The following MAMDC4 variants were observed in gnomAD, a reference collection of about 807,000 sequenced individuals.
The protein encoded by MAMDC4 is MAM domain containing 4.
In MAMDC4, 168 loss-of-function variants were observed where a neutral mutation model predicts 153.3. The observed-to-expected ratio is 1.10, with a 90% CI of 0.97 to 1.25. The LOEUF (loss-of-function observed/expected upper bound fraction) is 1.25. Among genes scored for constraint, MAMDC4 ranks in the 50% most tolerant of loss-of-function variants. The pLI, the probability that MAMDC4 is intolerant of heterozygous loss-of-function variation, is 0.00. For missense variants in MAMDC4, 1,701 were observed against 1,542.8 expected (o/e 1.10, Z -1.72); for synonymous variants, 744 against 651.5 (o/e 1.14, Z -2.16).
At chr9:136,856,253 C>T (rs1257689951) in intron 14 of MAMDC4, 104 bp downstream of exon 14, 2 of 1,572,174 alleles carry the variant, frequency 1.3e-6, no homozygotes, top group Non-Finnish European at 1.7e-6. Flanking sequence ...GCCCCGCTGG[C>T]CAGGCTTCCT....
chr9:136,860,695 GGACAGGCTGC>G lies in MAMDC4; in HGVS notation c.*93_*102del. ...CCGGACACCTGCCCCGCCCAGGCTG[GGACAGGCTGC>G]AGGTCTCAGGATATGCTGAGGCCTG... On this transcript the variant is annotated 3_prime_UTR_variant, in exon 27 of 27. Coordinates refer to ENST00000317446, the MANE Select transcript of MAMDC4 (RefSeq NM_206920.3). 1 of 1,435,702 alleles carries G rather than the reference GGACAGGCTGC, an allele frequency of 7.0e-7. No individual in the cohort carries two copies. The allele number at this position is 1,435,702 out of a possible 1,614,324, so 88.9% of individuals were successfully genotyped here. A position where few individuals can be genotyped will look rare whatever the true frequency, so the allele number is the denominator to read the frequency against.
Position 136,854,318 on chromosome 9 carries a change from G to A in MAMDC4, c.778G>A (p.Glu260Lys), listed in dbSNP as rs1848971671. 1.3e-6 allele frequency: 2 copies of A among 1,584,688 alleles called. No homozygotes were observed. The highest frequency in any genetic ancestry group is 1.2e-5 in the South Asian group (1 of 86,786). ...GEDNCGDLSD[E>K]NPLTCGRHIA... ...AGACAACTGCGGGGACCTGTCTGAT[G>A]AGAACCCACTCACCTGTGGTGAGGC... The change falls in exon 7 of 27, where the codon GAG becomes AAG. Residue 260 changes from glutamate (E) to lysine (K), a missense_variant. Coordinates refer to ENST00000317446, the MANE Select transcript of MAMDC4 (RefSeq NM_206920.3).
At chr9:136,854,102 A>AC (rs755198661) in intron 6 of MAMDC4, 26 bp downstream of exon 6, 50 of 1,610,430 alleles carry the variant, frequency 3.1e-5, no homozygotes, top group Admixed American at 2.2e-4. Context: ...TTCCTGTTCC[A>AC]CCCCCGGGAG....
At chr9:136,853,704 G>A (rs1356631786) in intron 4 of MAMDC4, 34 bp downstream of exon 4, 5 of 678,198 alleles carry the variant, frequency 7.4e-6, no homozygotes, top group Non-Finnish European at 1.2e-5. Context: ...CGTGGGGGGT[G>A]CCCAAGGGGA....
chr9:136,854,115 C>A (rs1848967719), intron 6 of MAMDC4, 39 bp downstream of exon 6: 1 of 1,608,208 alleles, frequency 6.2e-7, no homozygotes, highest in Non-Finnish European at 8.5e-7. Flanking sequence ...CCCGGGAGGG[C>A]CCCCACCTGC....
rs761290277 is a variant in MAMDC4 at position 136,858,904 on chromosome 9, CCAGGAG to C, written c.2956+55_2956+60del. The C allele has an allele frequency of 5.1e-6, 8 of 1,574,164 alleles. No individual in the cohort carries two copies. The Admixed American group carries it at 7.5e-5, about 15-fold the overall frequency. On this transcript the variant is annotated intron_variant, in intron 23 of 26. Transcript: ENST00000317446. ...CCTGGGCAACGGGGGCAGCAGGGGT[CCAGGAG>C]CAGAGGTGGGGAGGTGGCCTCCCCA...
rs1439415861 is a variant in MAMDC4 at position 136,857,695 on chromosome 9, T to C, written c.2363T>C (p.Leu788Pro). The change falls in exon 19 of 27, where the codon CTA becomes CCA. Residue 788 changes from leucine to proline, a missense_variant. By Grantham distance (98) the Leu-to-Pro change is moderately conservative. Transcript: ENST00000317446. Reference protein sequence around the residue: ...YMVVDTSPDALPRGQTASLTS... With the variant: ...YMVVDTSPDAPPRGQTASLTS... Reference sequence around the variant, plus strand: ...GTGGTGGACACAAGCCCAGACGCACTACCCCGGGGCCAGACGGCCTCCCTG... The same window carrying C: ...GTGGTGGACACAAGCCCAGACGCACCACCCCGGGGCCAGACGGCCTCCCTG... 6.2e-7 allele frequency: 1 copy of C among 1,612,520 alleles called. No individual in the cohort carries two copies. The highest frequency in any genetic ancestry group is 8.5e-7 in the Non-Finnish European group (1 of 1,179,800).
Position 136,854,353 on chromosome 9 carries a change from G to C in MAMDC4, c.796+17G>C. The C allele has an allele frequency of 6.5e-7, 1 of 1,529,856 alleles. No individual in the cohort carries two copies. Among genetic ancestry groups the C allele is most frequent in the Non-Finnish European group, 8.8e-7 (1 of 1,138,188 alleles). 94.8% of individuals were successfully genotyped at this position (1,529,856 alleles called of 1,614,324 possible). A position where few individuals can be genotyped will look rare whatever the true frequency, so the allele number is the denominator to read the frequency against. On this transcript the variant is annotated intron_variant, in intron 7 of 26. Transcript: ENST00000317446. ...TCACCTGTGGTGAGGCCGGAGTGGG[G>C]GCCCAGAGTGAGGCTGGGAGACTGG... is the stretch of plus-strand genomic sequence containing the variant.
rs1046195492 is a variant in MAMDC4, at chr9:136,854,778, C to T, written c.951C>T (p.Ser317=). Residue 317 remains serine (S), a synonymous_variant, in exon 9 of 27, where the codon TCC becomes TCT. Transcript: ENST00000317446. ...TTCCCGCAGGCTCCTTCCTGGTCTC[C>T]GTGGCCGAGCCTGGCACCCCTGCTA... The part of the protein sequence containing the change: ...RNSAQGSFLV[S]VAEPGTPAIL... 7 of 1,612,650 alleles carry T rather than the reference C, an allele frequency of 4.3e-6. No individual in the cohort carries two copies. The East Asian group carries it at 6.7e-5, about 15-fold the overall frequency.
In MAMDC4 at chr9:136,857,282, C is replaced by G. The variant is rs1174357991; in HGVS notation, c.2090C>G (p.Ser697Cys). The change falls in exon 17 of 27, where the codon TCC (serine) becomes TGC (cysteine). Residue 697 changes from serine to cysteine, a missense_variant. Coordinates refer to ENST00000317446, the MANE Select transcript of MAMDC4 (RefSeq NM_206920.3). ...GCCACCCTTTCCCACCAGCCTGGCT[C>G]CCATGCCCAGTACCAGGTGAGGCCT... ...AWATLSHQPG[S>C]HAQYQLLFEG... 2 of 1,602,924 alleles carry G rather than the reference C, an allele frequency of 1.2e-6. No homozygotes were observed. The highest frequency in any genetic ancestry group is 1.7e-6 in the Non-Finnish European group (2 of 1,175,582).
At position 136,854,583 on chromosome 9, in the gene MAMDC4, A is replaced by T. The variant is rs1441351877; in HGVS notation, c.841A>T (p.Asn281Tyr). 4 of 1,607,370 alleles carry T rather than the reference A, an allele frequency of 2.5e-6. No individual in the cohort carries two copies. In the African/African-American group the frequency reaches 5.4e-5, roughly 22 times the overall value. ...TDFETGLGPW[N>Y]RSEGWSRNHR... ...CTTTGAGACAGGCCTGGGCCCATGG[A>T]ACCGCTCGGAAGGCTGGTCCCGGAA... is the stretch of plus-strand genomic sequence containing the variant. Residue 281 changes from asparagine (N) to tyrosine (Y), a missense_variant, in exon 8 of 27, where the codon AAC (asparagine) becomes TAC (tyrosine). Transcript: ENST00000317446.
chr9:136,860,186 GC>G, intron 26 of MAMDC4, 122 bp downstream of exon 26: 1 of 1,138,608 alleles, frequency 8.8e-7, no homozygotes, highest in Non-Finnish European at 1.2e-6. Context: ...GCCCATCCTT[GC>G]CCTCCCTGCC....
At position 136,857,001 on chromosome 9, in the gene MAMDC4, G is replaced by A. The variant is rs1415718703; in HGVS notation, c.1932G>A (p.Glu644=). Residue 644 remains glutamate, a synonymous_variant, in exon 16 of 27, where the codon GAG becomes GAA. Transcript: ENST00000317446. ...CCCAGGTGCCAGCAGCACCCACGGAGTGTCTCAGCTTCTGGTACCACCTCC... is the reference window on the plus strand; with the variant it reads ...CCCAGGTGCCAGCAGCACCCACGGAATGTCTCAGCTTCTGGTACCACCTCC... The part of the protein sequence containing the change: ...SRPQVPAAPT[E]CLSFWYHLHG... 6 of 1,612,412 alleles carry A rather than the reference G, an allele frequency of 3.7e-6. No homozygotes were observed. Among genetic ancestry groups the A allele is most frequent in the Non-Finnish European group, 5.1e-6 (6 of 1,179,816 alleles).
chr9:136,854,729 G>C, intron 8 of MAMDC4, 33 bp from the exon 9 acceptor site: 1 of 1,612,540 alleles, frequency 6.2e-7, no homozygotes, highest in African/African-American at 1.3e-5. Context: ...CCACAGCCCA[G>C]TGGCCCTGGC....
intron 14 of MAMDC4, chr9:136,856,459 T>G: frequency 1.3e-6 from 1 of 777,830 alleles, no homozygotes; most frequent in African/African-American, 1.7e-5. Flanking sequence ...CCCTACCCCA[T>G]GAAGCTGGAG....
Position 136,857,596 on chromosome 9 carries a change from C to T in MAMDC4, c.2326+10C>T, listed in dbSNP as rs772307987. Reference sequence around the variant, plus strand: ...ACTGAGACAGCCCAAGGTATGGGGGCCTGGCAGGGGCAGGGATTGAGGGGC... The same window carrying T: ...ACTGAGACAGCCCAAGGTATGGGGGTCTGGCAGGGGCAGGGATTGAGGGGC... On this transcript the variant is annotated intron_variant, in intron 18 of 26. Coordinates refer to ENST00000317446, the MANE Select transcript of MAMDC4 (RefSeq NM_206920.3). 5 of 1,612,422 alleles carry T rather than the reference C, an allele frequency of 3.1e-6. No homozygotes were observed. The African/African-American group carries it at 5.3e-5, about 17-fold the overall frequency.
intron 13 of MAMDC4, 49 bp downstream of exon 13, chr9:136,855,897 G>T: frequency 6.7e-7 from 1 of 1,484,140 alleles, no homozygotes; most frequent in Non-Finnish European, 9.0e-7. Context: ...TGTGAGCAGC[G>T]TCCTCAGAGG....
chr9:136,856,674 GAGA>G (rs778489283), intron 14 of MAMDC4, 33 bp from the exon 15 acceptor site: 6 of 1,597,676 alleles, frequency 3.8e-6, no homozygotes, highest in African/African-American at 2.7e-5. Flanking sequence ...AGGGGGAGGG[GAGA>G]AGGTGTGTGA....
In MAMDC4 at chr9:136,858,819, C is replaced by G. The variant is rs756517147; in HGVS notation, c.2922C>G (p.Arg974=). The change falls in exon 23 of 27, where the codon CGC becomes CGG. Residue 974 remains arginine (R), a synonymous_variant. Coordinates refer to ENST00000317446, the MANE Select transcript of MAMDC4 (RefSeq NM_206920.3). ...PLPATPASCL[R]FWYHMGFPEH... Reference sequence around the variant, plus strand: ...CGGCCACCCCAGCCTCCTGCCTCCGCTTCTGGTACCACATGGGTTTTCCTG... The same window carrying G: ...CGGCCACCCCAGCCTCCTGCCTCCGGTTCTGGTACCACATGGGTTTTCCTG... 6.2e-7 allele frequency: 1 copy of G among 1,610,586 alleles called. No individual in the cohort carries two copies. Among genetic ancestry groups the G allele is most frequent in the South Asian group, 1.1e-5 (1 of 90,952 alleles).
Sources: allele counts gnomAD v4.1 joint callset, GRCh38; gene constraint gnomAD v4.1.1; transcripts MANE v1.5; gene names NCBI Gene and HGNC (gene_info 2026-07-23, HGNC 2026-07-21).